Variants in DMXL2 observed in about 807,000 individuals in gnomAD.
DMXL2 encodes dmX-like protein 2.
In DMXL2, 103 loss-of-function variants were observed where a neutral mutation model predicts 331.1. The observed-to-expected ratio is 0.31, with a 90% CI of 0.27 to 0.37. The LOEUF is 0.37. Among genes scored for constraint, DMXL2 ranks in the 10% least tolerant of loss-of-function variants. The probability of loss-of-function intolerance (pLI) is 1.00; values close to 1 mark genes in which losing one functional copy is unlikely to be tolerated. For missense variants in DMXL2, 3,171 were observed against 3,642.9 expected, an observed-to-expected ratio of 0.87 and a Z score of 3.33; for synonymous variants, 1,281 against 1,252.1, an observed-to-expected ratio of 1.02 and a Z score of -0.49.
At chr15:51,516,499 G>A (rs1270645045) in intron 14 of DMXL2, among the ~76,000 whole-genome samples, 3 of 152,186 alleles carry the variant, frequency 2.0e-5, no homozygotes, top group Non-Finnish European at 4.4e-5. Flanking sequence ...AATATAAAAT[G>A]AGAAACCACA....
At chr15:51,460,235 G>C (rs1407365225) in intron 33 of DMXL2, 1 of 985,576 alleles carries the variant, frequency 1.0e-6, no homozygotes, top group Admixed American at 6.1e-5. Context: ...TTATATTTCT[G>C]CTCTGCTGTG....
At chr15:51,493,442 G>C (rs1227781751) in intron 19 of DMXL2, among the ~76,000 whole-genome samples, 1 of 152,086 alleles carries the variant, frequency 6.6e-6, no homozygotes, top group African/African-American at 2.4e-5. Flanking sequence ...AAAACCTGCA[G>C]AGGTGAAAAA....
chr15:51,453,665 A>T, intron 40 of DMXL2, 24 bp from the exon 41 acceptor site: 1 of 1,593,594 alleles, frequency 6.3e-7, no homozygotes, highest in East Asian at 2.2e-5. Flanking sequence ...AGTGCAACTG[A>T]TGTTATTTTA....
At chr15:51,488,212 A>G in intron 21 of DMXL2, 93 bp from the exon 22 acceptor site, 2 of 1,175,282 alleles carry the variant, frequency 1.7e-6, no homozygotes, top group South Asian at 3.8e-5. Context: ...TCAAACAGAA[A>G]TCTAAAAGAA....
Position 51,588,163 on chromosome 15 carries a change from T to G in DMXL2, c.88-11982A>C, listed in dbSNP as rs1302722278. 1.2e-4 allele frequency among the ~76,000 whole-genome samples: 5 copies of G among 42,528 alleles called. No homozygotes were observed. The South Asian group carries it at 2.4e-3, about 21-fold the overall frequency. The allele number at this position is 42,528 out of a possible 152,430, so 27.9% of individuals were successfully genotyped here. The stretch of plus-strand genomic sequence containing the variant: ...TGATGACCCAATATTGTTTAGGGGT[T>G]TTTTTTTTTTTTGAGATGAGGTCTC... On this transcript the variant is annotated intron_variant, in intron 1 of 43. Transcript: ENST00000560891.
At chr15:51,455,967 AG>A in intron 39 of DMXL2, 98 bp downstream of exon 39, 1 of 1,388,128 alleles carries the variant, frequency 7.2e-7, no homozygotes, top group Non-Finnish European at 1.0e-6. Context: ...GTTTAAATCC[AG>A]GGTCACTGAA....
chr15:51,557,780 GA>G (rs1453980989), intron 6 of DMXL2, among the ~76,000 whole-genome samples: 6 of 151,962 alleles, frequency 3.9e-5, no homozygotes, highest in Non-Finnish European at 7.4e-5. Flanking sequence ...AGAAAGGGAA[GA>G]TTTTTTCCAA....
chr15:51,514,136 A>G (rs2046903997), intron 15 of DMXL2, among the ~76,000 whole-genome samples: 1 of 152,198 alleles, frequency 6.6e-6, no homozygotes, highest in South Asian at 2.1e-4. Context: ...TCCTTAAGAT[A>G]CCAAATGGAA....
chr15:51,485,288 C>G (rs1243779597), intron 23 of DMXL2, among the ~76,000 whole-genome samples: 2 of 152,196 alleles, frequency 1.3e-5, no homozygotes, highest in Non-Finnish European at 2.9e-5. Flanking sequence ...AAAAGATCCT[C>G]TCCAAGGCAC....
In DMXL2 at chr15:51,542,464, G is replaced by A; in HGVS notation, c.974C>T (p.Ser325Leu). ...TTCAGCATGAGTTACAAGAACAGAT[G>A]ACCTCCTCTGTCCTTTCCTTAAATT... ...LKNLRKGQRRSSVLVTHAELM... is the reference protein window; with the variant it reads ...LKNLRKGQRRLSVLVTHAELM... The change falls in exon 9 of 44, where the codon TCA becomes TTA. Residue 325 changes from serine (S) to leucine (L), a missense_variant. By Grantham distance (145) the Ser-to-Leu change is moderately radical. This residue lies in a region of DMXL2 where 1,674 missense variants were observed against 1,780.2 expected (regional missense o/e 0.94). Coordinates refer to ENST00000560891, the MANE Select transcript of DMXL2 (RefSeq NM_001378457.1). 3.1e-6 allele frequency: 5 copies of A among 1,613,706 alleles called. No homozygotes were observed. The highest frequency in any genetic ancestry group is 4.2e-6 in the Non-Finnish European group (5 of 1,179,784).
intron 1 of DMXL2, among the ~76,000 whole-genome samples, chr15:51,590,209 G>C (rs1485724375): frequency 6.6e-6 from 1 of 152,148 alleles, no homozygotes; most frequent in African/African-American, 2.4e-5. Flanking sequence ...GAGTGAACTG[G>C]GTCAGATTCT....
chr15:51,521,088 AATTAAGT>A (rs2047335204), intron 13 of DMXL2, among the ~76,000 whole-genome samples: 1 of 151,914 alleles, frequency 6.6e-6, no homozygotes, highest in Non-Finnish European at 1.5e-5. Context: ...TATAATATTT[AATTAAGT>A]TAAGAATGAC....
chr15:51,455,961 A>T (rs952384732), intron 39 of DMXL2, 105 bp downstream of exon 39: 2 of 1,343,716 alleles, frequency 1.5e-6, no homozygotes, highest in African/African-American at 2.9e-5. Context: ...TACTCAGTTT[A>T]AATCCAGGGT....
At chr15:51,458,393 C>T in intron 36 of DMXL2, 113 bp downstream of exon 36, 1 of 1,158,726 alleles carries the variant, frequency 8.6e-7, no homozygotes, top group Non-Finnish European at 1.2e-6. Context: ...TTGTCACCTA[C>T]CCAAATGAAG....
rs2051017987 is a variant in DMXL2, at chr15:51,576,183, T to TAAACAAAAAAAA, written c.88-3_88-2insTTTTTTTTGTTT. 1 of 540,658 alleles carries TAAACAAAAAAAA rather than the reference T, an allele frequency of 1.8e-6. No homozygotes were observed. Among genetic ancestry groups the TAAACAAAAAAAA allele is most frequent in the African/African-American group, 4.0e-5 (1 of 25,282 alleles). The allele number at this position is 540,658 out of a possible 1,614,324, so 33.5% of individuals were successfully genotyped here. A position where few individuals can be genotyped will look rare whatever the true frequency, so the allele number is the denominator to read the frequency against. ...AATATCACAGCCTGATCCATATGCC[T>TAAACAAAAAAAA]AAAAAAAAAAAAAAAAAAAAGTTTT... On this transcript the variant is annotated splice_polypyrimidine_tract_variant and splice_region_variant and intron_variant, in intron 1 of 43. Transcript: ENST00000560891.
Position 51,449,161 on chromosome 15 carries a change from A to G in DMXL2, c.9000T>C (p.His3000=), listed in dbSNP as rs1312476824. 3.1e-6 allele frequency: 5 copies of G among 1,614,196 alleles called. No individual in the cohort carries two copies. The highest frequency in any genetic ancestry group is 1.7e-5 in the Admixed American group (1 of 60,030). The part of the protein sequence containing the change: ...VWRLTGHGLI[H]SFKSEHAKQS... The stretch of plus-strand genomic sequence containing the variant: ...GCTTAGCATGTTCACTTTTAAATGA[A>G]TGAATTAGGCCATGGCCTGTCAATC... The change falls in exon 44 of 44, where the codon CAT becomes CAC. Residue 3000 remains histidine, a synonymous_variant. Coordinates refer to ENST00000560891, the MANE Select transcript of DMXL2 (RefSeq NM_001378457.1).
At chr15:51,528,292 T>G (rs2047796148) in intron 13 of DMXL2, among the ~76,000 whole-genome samples, 1 of 151,990 alleles carries the variant, frequency 6.6e-6, no homozygotes, top group African/African-American at 2.4e-5. Context: ...AGTGGCTGAA[T>G]GGGTAAACAA....
At chr15:51,491,538 T>A in intron 20 of DMXL2, 40 bp downstream of exon 20, 1 of 1,550,364 alleles carries the variant, frequency 6.5e-7, no homozygotes, top group Non-Finnish European at 8.7e-7. Flanking sequence ...TAGGAAAAGG[T>A]TTTTTTAATA....
At chr15:51,604,274 T>TAAA (rs55703142) in intron 1 of DMXL2, among the ~76,000 whole-genome samples, 79 of 126,366 alleles carry the variant, frequency 6.3e-4, no homozygotes, top group Non-Finnish European at 9.9e-4. Context: ...AGGGCATCTA[T>TAAA]AAAAAAAAAA....
Sources: allele counts gnomAD v4.1 joint callset (sites outside exome capture counted in the v4.1 genomes callset), GRCh38; gene constraint gnomAD v4.1.1; regional missense constraint gnomAD v4.1.1; transcripts MANE v1.5; gene names NCBI Gene and HGNC (gene_info 2026-07-23, HGNC 2026-07-21).